Variants in ASPM observed in about 807,000 individuals in gnomAD.
The protein encoded by ASPM is assembly factor for spindle microtubules, also known as abnormal spindle-like microcephaly-associated protein.
ASPM carries 256 observed loss-of-function variants against 366.4 expected under a neutral mutation model. The ratio of observed to expected loss-of-function variants is 0.70; its 90% CI spans 0.63 to 0.77. ASPM has a LOEUF of 0.77. Ranked by LOEUF, ASPM falls within the 30% of genes least tolerant of loss-of-function variation. The pLI is 0.00. For synonymous variants in ASPM, 1,414 were observed against 1,342.9 expected (o/e 1.05, Z -1.16); for missense variants, 4,146 against 4,090.4 (o/e 1.01, Z -0.37).
intron 17 of ASPM, among the ~76,000 whole-genome samples, chr1:197,115,656 C>T (rs1445001072): frequency 6.6e-6 from 1 of 152,182 alleles, no homozygotes; most frequent in Non-Finnish European, 1.5e-5. Context: ...ATGAAAACAA[C>T]ATTCCTCTCC....
At chr1:197,094,203 C>T in intron 19 of ASPM, 23 bp from the exon 20 acceptor site, 1 of 1,443,780 alleles carries the variant, frequency 6.9e-7, no homozygotes, top group Non-Finnish European at 9.7e-7. Context: ...TATTGGAAAG[C>T]AATGTCAAAT....
chr1:197,143,578 C>A lies in ASPM; in HGVS notation c.674G>T (p.Ser225Ile). ...ACCATGGCATTCATTGAAAGCAGGG[C>A]TAATAGGTGATATGGGTATTTTATT... ...EENKIPISPISPAFNECHGAT... is the reference protein window; with the variant it reads ...EENKIPISPIIPAFNECHGAT... The change falls in exon 3 of 28, where the codon AGC becomes ATC. Residue 225 changes from serine (S) to isoleucine (I), a missense_variant. Physicochemically the swap from Ser to Ile is moderately radical, Grantham distance 142 (BLOSUM62 -2). This residue lies in a region of ASPM where 512 missense variants were observed against 471.7 expected (regional missense o/e 1.09). Transcript: ENST00000367409. 6.2e-7 allele frequency: 1 copy of A among 1,613,324 alleles called. No homozygotes were observed.
At position 197,124,199 on chromosome 1, in the gene ASPM, T is replaced by A; in HGVS notation, c.3301A>T (p.Arg1101Trp). The A allele has an allele frequency of 6.2e-7, 1 of 1,612,028 alleles. No individual in the cohort carries two copies. Among genetic ancestry groups the A allele is most frequent in the Non-Finnish European group, 8.5e-7 (1 of 1,178,456 alleles). Residue 1101 changes from arginine to tryptophan, a missense_variant, in exon 13 of 28, where the codon AGG (arginine) becomes TGG (tryptophan). By Grantham distance (101) the Arg-to-Trp change is moderately radical. Around this residue, in one of 3 missense-constraint regions of ASPM, gnomAD observed 3,624 missense variants for 3,591.7 expected, o/e 1.01. Coordinates refer to ENST00000367409, the MANE Select transcript of ASPM (RefSeq NM_018136.5). ...DDLINKKKGK[R>W]DSGSFEQYSE... is the part of the protein sequence containing the mutation. Reference sequence around the variant, plus strand: ...TATTGTTCAAAGGAACCACTATCCCTTTTGCCTTTTTTCTTATTAATAAGA... The same window carrying A: ...TATTGTTCAAAGGAACCACTATCCCATTTGCCTTTTTTCTTATTAATAAGA...
At chr1:197,093,333 GA>G in intron 20 of ASPM, 72 bp from the exon 21 acceptor site, 2 of 1,215,614 alleles carry the variant, frequency 1.6e-6, no homozygotes, top group Non-Finnish European at 2.4e-6. Flanking sequence ...AGAAGTTCTT[GA>G]ATTTCTCAAT....
At chr1:197,093,720 C>A (rs910404622) in intron 20 of ASPM, among the ~76,000 whole-genome samples, 1 of 151,720 alleles carries the variant, frequency 6.6e-6, no homozygotes, top group Non-Finnish European at 1.5e-5. Context: ...TGAGACAGAG[C>A]CACAAAGTGA....
intron 16 of ASPM, among the ~76,000 whole-genome samples, chr1:197,119,743 G>A (rs1484763560): frequency 1.3e-5 from 2 of 151,944 alleles, no homozygotes; most frequent in Non-Finnish European, 2.9e-5. Flanking sequence ...GGAGTTTATG[G>A]CTATTTGTTG....
intron 18 of ASPM, among the ~76,000 whole-genome samples, chr1:197,096,793 G>A (rs1286052236): frequency 4.6e-5 from 7 of 151,762 alleles, no homozygotes; most frequent in African/African-American, 1.2e-4. Flanking sequence ...AAGGCCTAGA[G>A]AAATTGAGTA....
intron 18 of ASPM, among the ~76,000 whole-genome samples, chr1:197,097,690 G>A (rs1657022273): frequency 6.6e-6 from 1 of 151,592 alleles, no homozygotes; most frequent in South Asian, 2.1e-4. Context: ...TTAATCAGTG[G>A]TAGAAGAATG....
chr1:197,088,531 A>C (rs1656671981), intron 25 of ASPM, 99 bp from the exon 26 acceptor site: 1 of 1,195,112 alleles, frequency 8.4e-7, no homozygotes, highest in Admixed American at 2.3e-5. Flanking sequence ...TACTTAGTAT[A>C]GCCAAATTTT....
chr1:197,124,158 CTT>C lies in ASPM; in HGVS notation c.3340_3341del (p.Lys1114ValfsTer14). 6.2e-7 allele frequency: 1 copy of C among 1,612,698 alleles called. No individual in the cohort carries two copies. Among genetic ancestry groups the C allele is most frequent in the Non-Finnish European group, 8.5e-7 (1 of 1,179,236 alleles). ...CAGCATTTACCCAATCCATCAATAA[CTT>C]TATGTTTTCACTATATTGTTCAAAG... ...GSFEQYSENI[K>X]LLMDWVNAVC... On this transcript the variant is annotated frameshift_variant, in exon 13 of 28. Transcript: ENST00000367409. LOFTEE classifies it high-confidence loss of function.
chr1:197,137,728 AC>A (rs936985416), intron 4 of ASPM, among the ~76,000 whole-genome samples: 3 of 152,142 alleles, frequency 2.0e-5, no homozygotes, highest in African/African-American at 7.2e-5. Flanking sequence ...TGATCCGCCC[AC>A]TTTGGCCTCC....
chr1:197,101,671 T>G lies in ASPM; in HGVS notation c.7580A>C (p.Tyr2527Ser), dbSNP rs372780752. 5.6e-6 allele frequency: 9 copies of G among 1,612,266 alleles called. No homozygotes were observed. The highest frequency in any genetic ancestry group is 1.1e-5 in the South Asian group (1 of 91,046). The change falls in exon 18 of 28, where the codon TAT (tyrosine) becomes TCT (serine). Residue 2527 changes from tyrosine to serine, a missense_variant. Around this residue, in one of 3 missense-constraint regions of ASPM, gnomAD observed 3,624 missense variants for 3,591.7 expected, o/e 1.01. Transcript: ENST00000367409. ...CACAGCAGAATGCCATTGTCTGATA[T>G]AATTTTCTCTTTGTAATTTTGCAGC... Reference protein sequence around the residue: ...YRAAKLQRENYIRQWHSAVVI... With the variant: ...YRAAKLQRENSIRQWHSAVVI...
In ASPM at chr1:197,133,486, C is replaced by A. The variant is rs755542215; in HGVS notation, c.2283G>T (p.Arg761Ser). 3.1e-6 allele frequency: 5 copies of A among 1,613,936 alleles called. No homozygotes were observed. The highest frequency in any genetic ancestry group is 4.2e-6 in the Non-Finnish European group (5 of 1,179,972). ...ATGCTGCACGACGTAGTCTGTTTAA[C>A]CTACACCGAGCAGTATAAGCTCTGA... ...MSLRAYTARC[R>S]LNRLRRAACR... Residue 761 changes from arginine (R) to serine (S), a missense_variant, in exon 6 of 28, where the codon AGG becomes AGT. Arg to Ser is a moderately radical substitution (Grantham distance 110). Around this residue, in one of 3 missense-constraint regions of ASPM, gnomAD observed 3,624 missense variants for 3,591.7 expected, o/e 1.01. Transcript: ENST00000367409.
chr1:197,132,640 T>C (rs913649691), intron 6 of ASPM, among the ~76,000 whole-genome samples: 1 of 151,928 alleles, frequency 6.6e-6, no homozygotes, highest in African/African-American at 2.4e-5. Context: ...TGCAGCATTA[T>C]CCACAATATC....
intron 8 of ASPM, 40 bp downstream of exon 8, chr1:197,129,875 T>C: frequency 6.3e-7 from 1 of 1,592,262 alleles, no homozygotes; most frequent in Non-Finnish European, 8.6e-7. Context: ...GCCATTCATG[T>C]ATAATGTGGA....
chr1:197,090,921 G>C lies in ASPM; in HGVS notation c.9565C>G (p.Gln3189Glu), dbSNP rs763141390. Residue 3189 changes from glutamine (Q) to glutamate (E), a missense_variant, in exon 23 of 28, where the codon CAG (glutamine) becomes GAG (glutamate). Coordinates refer to ENST00000367409, the MANE Select transcript of ASPM (RefSeq NM_018136.5). Reference protein sequence around the residue: ...SQRNRAASVIQKAVRHFLLRK... With the variant: ...SQRNRAASVIEKAVRHFLLRK... The stretch of plus-strand genomic sequence containing the variant: ...AGGAGAAAATGGCGCACTGCTTTCT[G>C]TATTACTGATGCAGCCCTATTTCGC... The C allele has an allele frequency of 1.2e-6, 2 of 1,613,408 alleles. No homozygotes were observed. Among genetic ancestry groups the C allele is most frequent in the East Asian group, 2.2e-5 (1 of 44,834 alleles).
In ASPM at chr1:197,130,057, C is replaced by G. The variant is rs1321892596; in HGVS notation, c.2488-1G>C. ...AAGATATGAGTTCTCCATAAGTTGT[C>G]TGAAAATAAATTAAAGCCAAAGTCA... is the stretch of plus-strand genomic sequence containing the variant. On this transcript the variant is annotated splice_acceptor_variant, in intron 7 of 27. Coordinates refer to ENST00000367409, the MANE Select transcript of ASPM (RefSeq NM_018136.5). LOFTEE classifies it high-confidence loss of function. The G allele has an allele frequency of 4.3e-6, 7 of 1,613,276 alleles. No individual in the cohort carries two copies. Among genetic ancestry groups the G allele is most frequent in the African/African-American group, 2.7e-5 (2 of 74,872 alleles).
intron 6 of ASPM, among the ~76,000 whole-genome samples, chr1:197,132,902 A>C (rs1436890706): frequency 6.6e-6 from 1 of 152,128 alleles, no homozygotes; most frequent in Non-Finnish European, 1.5e-5. Context: ...GTATGATCTC[A>C]TTTATATGTG....
Position 197,102,116 on chromosome 1 carries a change from G to T in ASPM, c.7135C>A (p.Gln2379Lys). 1.2e-6 allele frequency: 2 copies of T among 1,612,874 alleles called. No homozygotes were observed. The highest frequency in any genetic ancestry group is 1.7e-6 in the Non-Finnish European group (2 of 1,179,262). The change falls in exon 18 of 28, where the codon CAG becomes AAG. Residue 2379 changes from glutamine to lysine, a missense_variant. Around this residue, in one of 3 missense-constraint regions of ASPM, gnomAD observed 3,624 missense variants for 3,591.7 expected, o/e 1.01. Coordinates refer to ENST00000367409, the MANE Select transcript of ASPM (RefSeq NM_018136.5). ...GAGTGTCTTTGTCTGAGATAATGCT[G>T]CCTCTGCAGTTTTGCAGCTCTATTT... ...QANRAAKLQR[Q>K]HYLRQRHSAV...
Sources: gnomAD v4.1 joint callset for allele counts (sites outside exome capture counted in the v4.1 genomes callset) on GRCh38, gnomAD v4.1.1 for gene constraint, gnomAD v4.1.1 regional missense constraint, MANE v1.5 for transcripts, NCBI Gene and HGNC (gene_info 2026-07-23, HGNC 2026-07-21) for gene names.